Variants in PHF21A observed in about 807,000 individuals in gnomAD.
PHF21A encodes the protein PHD finger protein 21A, also known as BHC80a.
A neutral mutation model predicts 82.5 loss-of-function variants in PHF21A; 11 were observed. That is an observed-to-expected ratio of 0.13 (90% confidence interval 0.08 to 0.22). The LOEUF (loss-of-function observed/expected upper bound fraction) is 0.22. Among genes scored for constraint, PHF21A ranks in the 10% least tolerant of loss-of-function variants. PHF21A has a pLI of 1.00. For synonymous variants in PHF21A, 297 were observed against 302.8 expected (o/e 0.98, Z 0.20); for missense variants, 579 against 837.8 (o/e 0.69, Z 3.81).
At chr11:46,027,045 C>G (rs907278861) in intron 6 of PHF21A, 2 of 152,176 alleles carry the variant, frequency 1.3e-5, no homozygotes, top group African/African-American at 4.8e-5. Flanking sequence ...CACACGCACA[C>G]ATGCACGCAA....
chr11:45,946,163 G>A (rs1241671556), intron 14 of PHF21A, 160 bp from the exon 15 acceptor site: 5 of 1,500,726 alleles, frequency 3.3e-6, no homozygotes, highest in South Asian at 1.2e-5. Flanking sequence ...AAGGAAGGAA[G>A]AGAAGCAAAG....
intron 10 of PHF21A, among the ~76,000 whole-genome samples, chr11:45,958,069 A>T (rs2092795410): frequency 6.6e-6 from 1 of 152,098 alleles, no homozygotes; most frequent in Non-Finnish European, 1.5e-5. Flanking sequence ...TTGACTCAAG[A>T]TAAAGAAAAT....
At chr11:46,026,385 G>T (rs2095746668) in intron 6 of PHF21A, among the ~76,000 whole-genome samples, 1 of 152,262 alleles carries the variant, frequency 6.6e-6, no homozygotes, top group Non-Finnish European at 1.5e-5. Context: ...AGCTGACAAT[G>T]AATAGGACTT....
intron 14 of PHF21A, 38 bp from the exon 15 acceptor site, chr11:45,946,041 G>A: frequency 6.2e-7 from 1 of 1,614,098 alleles, no homozygotes; most frequent in Non-Finnish European, 8.5e-7. Flanking sequence ...GGAAAAACGG[G>A]GAGGGAAAGA....
chr11:46,099,432 G>A (rs2097056586), intron 1 of PHF21A, among the ~76,000 whole-genome samples: 1 of 151,910 alleles, frequency 6.6e-6, no homozygotes, highest in Non-Finnish European at 1.5e-5. Flanking sequence ...GCACCTTATT[G>A]TGTTCCATCC....
intron 12 of PHF21A, 81 bp downstream of exon 12, chr11:45,950,125 C>A: frequency 9.0e-7 from 1 of 1,115,296 alleles, no homozygotes; most frequent in Non-Finnish European, 1.3e-6. Flanking sequence ...TTTTCTATTC[C>A]AGGAATTCAA....
chr11:45,966,389 C>G (rs1440634191), intron 9 of PHF21A, among the ~76,000 whole-genome samples: 1 of 152,060 alleles, frequency 6.6e-6, no homozygotes, highest in Admixed American at 6.6e-5. Context: ...TGATTCCTAC[C>G]CCACCCTCTA....
Position 45,965,303 on chromosome 11 carries a change from C to T in PHF21A, c.996+12G>A. On this transcript the variant is annotated intron_variant, in intron 10 of 18. Coordinates refer to ENST00000676320, the MANE Select transcript of PHF21A (RefSeq NM_001352027.3). ...GGCTACTGCCCAGAGCAGGTACATA[C>T]TCTGCCTGTACCTGTTTTTCAAGAC... 2 of 1,612,666 alleles carry T rather than the reference C, an allele frequency of 1.2e-6. No homozygotes were observed. Among genetic ancestry groups the T allele is most frequent in the Non-Finnish European group, 1.7e-6 (2 of 1,179,284 alleles).
chr11:45,940,204 T>C lies in PHF21A; in HGVS notation c.1453-1892A>G, dbSNP rs1307811340. Reference sequence around the variant, plus strand: ...GATGGATTTTAATCTTTTTCTTTTTTTTTTTTTTAGACGGAGTCTCTTGCT... The same window carrying C: ...GATGGATTTTAATCTTTTTCTTTTTCTTTTTTTTAGACGGAGTCTCTTGCT... On this transcript the variant is annotated intron_variant, in intron 15 of 18. Transcript: ENST00000676320. Among the ~76,000 whole-genome samples, 6 of 152,132 alleles carry C rather than the reference T, an allele frequency of 3.9e-5. No homozygotes were observed. In the East Asian group the frequency reaches 9.6e-4, roughly 24 times the overall value.
At chr11:46,096,124 G>A (rs1286286588) in intron 1 of PHF21A, among the ~76,000 whole-genome samples, 2 of 152,096 alleles carry the variant, frequency 1.3e-5, no homozygotes, top group Non-Finnish European at 2.9e-5. Flanking sequence ...GATAGGCTTA[G>A]TCCTTGGGGC....
intron 10 of PHF21A, among the ~76,000 whole-genome samples, chr11:45,959,670 A>T (rs2092952925): frequency 6.6e-6 from 1 of 152,228 alleles, no homozygotes; most frequent in African/African-American, 2.4e-5. Context: ...TACTAGAGCT[A>T]ATAAACAAAT....
intron 6 of PHF21A, among the ~76,000 whole-genome samples, chr11:46,060,188 G>C (rs1006844422): frequency 6.6e-6 from 1 of 151,998 alleles, no homozygotes; most frequent in African/African-American, 2.4e-5. Flanking sequence ...AACATGGATG[G>C]GGTCTTGCTA....
At chr11:46,008,959 G>A (rs1023898629) in intron 6 of PHF21A, among the ~76,000 whole-genome samples, 1 of 145,956 alleles carries the variant, frequency 6.9e-6, no homozygotes, top group Admixed American at 6.9e-5. Flanking sequence ...CAACAAATTG[G>A]TTCACATTTC....
intron 15 of PHF21A, among the ~76,000 whole-genome samples, chr11:45,941,284 A>T (rs1253019209): frequency 1.3e-5 from 2 of 152,138 alleles, no homozygotes; most frequent in South Asian, 2.1e-4. Flanking sequence ...TTTTTTGTAG[A>T]GATGGGGGTC....
chr11:45,994,581 T>C (rs1045025405), intron 6 of PHF21A, among the ~76,000 whole-genome samples: 5 of 152,188 alleles, frequency 3.3e-5, no homozygotes, highest in Non-Finnish European at 7.4e-5. Flanking sequence ...GCCTAATGTA[T>C]GTGATGCTGA....
chr11:46,088,134 A>T (rs577179684), intron 3 of PHF21A, among the ~76,000 whole-genome samples: 2 of 152,324 alleles, frequency 1.3e-5, no homozygotes. Context: ...GCATCAAAAG[A>T]ATTATTGGCT....
intron 1 of PHF21A, among the ~76,000 whole-genome samples, chr11:46,100,019 G>C (rs1430578042): frequency 2.0e-5 from 3 of 152,072 alleles, no homozygotes; most frequent in Non-Finnish European, 4.4e-5. Context: ...TCAGTACTTT[G>C]AAATGTCAAT....
chr11:46,059,492 C>A (rs149191110), intron 6 of PHF21A, among the ~76,000 whole-genome samples: 1 of 152,272 alleles, frequency 6.6e-6, no homozygotes, highest in East Asian at 1.9e-4. Context: ...GTGGTATGAT[C>A]ATAGCTCACT....
intron 6 of PHF21A, among the ~76,000 whole-genome samples, chr11:46,004,547 T>C (rs2095244805): frequency 6.6e-6 from 1 of 152,194 alleles, no homozygotes; most frequent in Non-Finnish European, 1.5e-5. Flanking sequence ...ATTTTATCAG[T>C]AGCTATGACA....
Sources: allele counts gnomAD v4.1 joint callset (sites outside exome capture counted in the v4.1 genomes callset), GRCh38; gene constraint gnomAD v4.1.1; transcripts MANE v1.5; gene names NCBI Gene and HGNC (gene_info 2026-07-23, HGNC 2026-07-21).